The following TBC1D19 variants were observed in gnomAD, a reference collection of about 807,000 sequenced individuals.
The protein encoded by TBC1D19 is TBC1 domain family member 19, also known as TBC1 domain family, member 19.
A neutral mutation model predicts 89.0 loss-of-function variants in TBC1D19; 60 were observed. The observed-to-expected ratio is 0.67, with a 90% CI of 0.55 to 0.84. The LOEUF is 0.84. Among genes scored for constraint, TBC1D19 ranks in the 40% least tolerant of loss-of-function variants. TBC1D19 has a pLI of 0.00. For synonymous variants in TBC1D19, 189 were observed against 199.7 expected, an observed-to-expected ratio of 0.95 and a Z score of 0.45; for missense variants, 500 against 610.8, an observed-to-expected ratio of 0.82 and a Z score of 1.91.
chr4:26,628,238 C>T (rs1423987057), intron 4 of TBC1D19, among the ~76,000 whole-genome samples: 4 of 151,992 alleles, frequency 2.6e-5, no homozygotes, highest in African/African-American at 4.8e-5. Flanking sequence ...TCTGTTCCAT[C>T]GATCTAGATC....
At chr4:26,631,367 C>T (rs1742799063) in intron 4 of TBC1D19, among the ~76,000 whole-genome samples, 1 of 151,936 alleles carries the variant, frequency 6.6e-6, no homozygotes, top group Non-Finnish European at 1.5e-5. Context: ...TCTGTCTTAT[C>T]CTCCTGACTT....
the TBC1D19 span, among the ~76,000 whole-genome samples, chr4:26,805,152 A>G: frequency 6.6e-6 from 1 of 152,152 alleles, no homozygotes; most frequent in East Asian, 1.9e-4. Context: ...GGGGACATGG[A>G]TCTAGCTCGC....
intron 13 of TBC1D19, among the ~76,000 whole-genome samples, chr4:26,707,739 G>A (rs940231825): frequency 4.6e-5 from 7 of 151,536 alleles, no homozygotes; most frequent in Middle Eastern, 3.2e-3. Context: ...TGTGCTTCCC[G>A]TGAGGATTAT....
At chr4:26,733,041 A>G (rs10023756) in intron 15 of TBC1D19, among the ~76,000 whole-genome samples, 8,237 of 152,260 alleles carry the variant, frequency 0.054, 781 homozygotes, top group African/African-American at 0.19. Context: ...TACACAACAT[A>G]AAATTCAGCA....
the TBC1D19 span, among the ~76,000 whole-genome samples, chr4:26,850,243 A>G: frequency 1.3e-5 from 2 of 151,944 alleles, no homozygotes; most frequent in South Asian, 4.1e-4. Flanking sequence ...TAGTGTCCTT[A>G]TATTAATAAA....
At chr4:26,844,872 T>G in the TBC1D19 span, among the ~76,000 whole-genome samples, 3 of 152,200 alleles carry the variant, frequency 2.0e-5, no homozygotes, top group Admixed American at 2.0e-4. Flanking sequence ...TTGGGATGTT[T>G]TCAGGTGTTA....
At chr4:26,659,761 A>G (rs950259932) in intron 8 of TBC1D19, 54 bp downstream of exon 8, 2 of 1,187,476 alleles carry the variant, frequency 1.7e-6, no homozygotes, top group African/African-American at 3.0e-5. Flanking sequence ...CATTAGAAAA[A>G]TGTTTTAATA....
the TBC1D19 span, among the ~76,000 whole-genome samples, chr4:26,819,292 T>C: frequency 1.3e-5 from 2 of 152,130 alleles, no homozygotes; most frequent in Non-Finnish European, 2.9e-5. Context: ...GTAGTGAAGG[T>C]AGGACGTCCC....
At chr4:26,641,304 G>A (rs1318907421) in intron 7 of TBC1D19, among the ~76,000 whole-genome samples, 1 of 152,206 alleles carries the variant, frequency 6.6e-6, no homozygotes. Flanking sequence ...TGGACCTCCA[G>A]CAAACTCCAA....
chr4:26,790,339 C>A, the TBC1D19 span, among the ~76,000 whole-genome samples: 1 of 152,144 alleles, frequency 6.6e-6, no homozygotes, highest in Non-Finnish European at 1.5e-5. Context: ...CTTCCAAACA[C>A]CTCCACTGAA....
chr4:26,742,106 T>C (rs1290925522), intron 17 of TBC1D19, among the ~76,000 whole-genome samples: 1 of 152,132 alleles, frequency 6.6e-6, no homozygotes, highest in South Asian at 2.1e-4. Context: ...GGTGGCTATA[T>C]AGCACTAGGG....
chr4:26,587,964 A>G (rs982840268), intron 1 of TBC1D19, among the ~76,000 whole-genome samples: 2 of 148,972 alleles, frequency 1.3e-5, no homozygotes, highest in African/African-American at 4.9e-5. Flanking sequence ...TATTCCTTTT[A>G]GTGTCTGTAG....
the TBC1D19 span, among the ~76,000 whole-genome samples, chr4:26,787,770 G>A: frequency 8.3e-3 from 1,263 of 152,262 alleles, 8 homozygotes; most frequent in Middle Eastern, 0.014. Context: ...TTTCCTCTAA[G>A]CCTGACCTTG....
chr4:26,848,296 A>C, the TBC1D19 span, among the ~76,000 whole-genome samples: 1 of 152,192 alleles, frequency 6.6e-6, no homozygotes, highest in Non-Finnish European at 1.5e-5. Flanking sequence ...CCTCAGACTA[A>C]GCCATACAAC....
rs1718781183 is a variant in TBC1D19 at position 26,748,652 on chromosome 4, A to G, written c.1435+126A>G. ...TCTAATTCATGAACAATTAATAGAT[A>G]TATCTGGCTTTGACGATAAGTACGA... On this transcript the variant is annotated intron_variant, in intron 19 of 20. Coordinates refer to ENST00000264866, the MANE Select transcript of TBC1D19 (RefSeq NM_018317.4). The G allele has an allele frequency of 1.6e-5, 11 of 709,182 alleles. 1 individual carries two copies. The South Asian group carries it at 1.7e-4, about 11-fold the overall frequency. 43.9% of individuals were successfully genotyped at this position (709,182 alleles called of 1,614,324 possible). A position where few individuals can be genotyped will look rare whatever the true frequency, so the allele number is the denominator to read the frequency against.
chr4:26,712,613 A>G (rs981876622), intron 13 of TBC1D19, among the ~76,000 whole-genome samples: 1 of 152,112 alleles, frequency 6.6e-6, no homozygotes, highest in Non-Finnish European at 1.5e-5. Context: ...TGACTATACC[A>G]GAATACCTGA....
At chr4:26,821,245 CTGAGA>C in the TBC1D19 span, among the ~76,000 whole-genome samples, 1 of 152,164 alleles carries the variant, frequency 6.6e-6, no homozygotes, top group South Asian at 2.1e-4. Context: ...AGAATTTTGG[CTGAGA>C]TTTTTTCAAA....
At chr4:26,712,547 T>C (rs1462439670) in intron 13 of TBC1D19, among the ~76,000 whole-genome samples, 4 of 152,058 alleles carry the variant, frequency 2.6e-5, no homozygotes, top group African/African-American at 4.8e-5. Context: ...CATTTAAAAA[T>C]CTTCTATTTA....
At chr4:26,633,959 T>C (rs1742958326) in intron 4 of TBC1D19, among the ~76,000 whole-genome samples, 1 of 152,132 alleles carries the variant, frequency 6.6e-6, no homozygotes, top group South Asian at 2.1e-4. Context: ...TAAATTGTCA[T>C]GTAATGACTT....
Sources: allele counts gnomAD v4.1 joint callset (sites outside exome capture counted in the v4.1 genomes callset), GRCh38; gene constraint gnomAD v4.1.1; transcripts MANE v1.5; gene names NCBI Gene and HGNC (gene_info 2026-07-23, HGNC 2026-07-21).